IGF2BP2: variants seen among roughly 807,000 people sequenced by gnomAD.
IGF2BP2 encodes the protein insulin like growth factor 2 mRNA binding protein 2.
In IGF2BP2, 17 loss-of-function variants were observed where a neutral mutation model predicts 75.8. That is an observed-to-expected ratio of 0.22 (90% CI 0.15 to 0.34). IGF2BP2 has a LOEUF of 0.34. Ranked by LOEUF, IGF2BP2 falls within the 10% of genes least tolerant of loss-of-function variation. The probability of loss-of-function intolerance (pLI) is 1.00; values close to 1 mark genes in which losing one functional copy is unlikely to be tolerated. For missense variants in IGF2BP2, 516 were observed against 772.4 expected, an observed-to-expected ratio of 0.67 and a Z score of 3.93; for synonymous variants, 288 against 295.6, an observed-to-expected ratio of 0.97 and a Z score of 0.26.
intron 2 of IGF2BP2, among the ~76,000 whole-genome samples, chr3:185,749,162 T>TAAAAGAA (rs1730641172): frequency 6.6e-6 from 1 of 152,058 alleles, no homozygotes; most frequent in South Asian, 2.1e-4. Flanking sequence ...AGACTCCGTC[T>TAAAAGAA]AAAAGAAAAA....
chr3:185,823,274 G>T (rs528436356), intron 1 of IGF2BP2, 61 bp from the exon 2 acceptor site: 59 of 1,338,526 alleles, frequency 4.4e-5, no homozygotes, highest in Non-Finnish European at 5.6e-5. Flanking sequence ...GGGGGTCTAG[G>T]GGGGGCACGC....
At chr3:185,812,929 C>T (rs976623430) in intron 2 of IGF2BP2, among the ~76,000 whole-genome samples, 4 of 152,226 alleles carry the variant, frequency 2.6e-5, no homozygotes, top group Non-Finnish European at 5.9e-5. Context: ...ACAATCGATA[C>T]TTGTGAACTA....
chr3:185,653,356 C>T (rs889837480), intron 12 of IGF2BP2, among the ~76,000 whole-genome samples: 1 of 152,128 alleles, frequency 6.6e-6, no homozygotes. Flanking sequence ...TGCAGTGGCT[C>T]ACACCTGTAA....
chr3:185,786,144 A>G (rs1206986171), intron 2 of IGF2BP2, among the ~76,000 whole-genome samples: 1 of 152,038 alleles, frequency 6.6e-6, no homozygotes, highest in Non-Finnish European at 1.5e-5. Context: ...TTTTAATACC[A>G]AAGATAAACT....
At chr3:185,780,939 C>T (rs1735131583) in intron 2 of IGF2BP2, among the ~76,000 whole-genome samples, 1 of 152,108 alleles carries the variant, frequency 6.6e-6, no homozygotes, top group African/African-American at 2.4e-5. Flanking sequence ...TCAATTACAC[C>T]ACATTTGCCA....
chr3:185,705,125 C>G (rs182421320), intron 2 of IGF2BP2, among the ~76,000 whole-genome samples: 41 of 152,378 alleles, frequency 2.7e-4, no homozygotes, highest in African/African-American at 8.9e-4. Context: ...AAGACGCAGT[C>G]TTGCTCTGTT....
At chr3:185,757,496 G>C (rs1489426391) in intron 2 of IGF2BP2, among the ~76,000 whole-genome samples, 3 of 89,212 alleles carry the variant, frequency 3.4e-5, no homozygotes, top group Admixed American at 1.7e-4. Flanking sequence ...ACAGAGTTTT[G>C]CTCTGTCACC....
intron 2 of IGF2BP2, among the ~76,000 whole-genome samples, chr3:185,793,208 G>T (rs1188108223): frequency 6.6e-6 from 1 of 152,192 alleles, no homozygotes; most frequent in Non-Finnish European, 1.5e-5. Context: ...TGGTGTGGCA[G>T]AAAGAACACA....
chr3:185,785,925 A>G (rs1271667899), intron 2 of IGF2BP2, among the ~76,000 whole-genome samples: 1 of 152,218 alleles, frequency 6.6e-6, no homozygotes, highest in East Asian at 1.9e-4. Flanking sequence ...CTACAAGATA[A>G]CAAATTAAAT....
chr3:185,813,833 C>T (rs970288839), intron 2 of IGF2BP2, among the ~76,000 whole-genome samples: 29 of 152,204 alleles, frequency 1.9e-4, no homozygotes, highest in Admixed American at 6.5e-4. Flanking sequence ...GCAGGCAGGC[C>T]TACACACCAG....
At chr3:185,721,174 CTCT>C (rs781573900) in intron 2 of IGF2BP2, among the ~76,000 whole-genome samples, 115 of 152,088 alleles carry the variant, frequency 7.6e-4, no homozygotes, top group Non-Finnish European at 1.0e-3. Context: ...GAGGCTCATA[CTCT>C]TCTTCTTCTT....
intron 12 of IGF2BP2, among the ~76,000 whole-genome samples, chr3:185,654,091 G>A (rs558916653): frequency 2.0e-5 from 3 of 152,318 alleles, no homozygotes; most frequent in Admixed American, 6.5e-5. Context: ...CTCAGACCCT[G>A]TCCCGCTCTG....
At chr3:185,652,703 A>C (rs942687901) in intron 12 of IGF2BP2, among the ~76,000 whole-genome samples, 2 of 152,228 alleles carry the variant, frequency 1.3e-5, no homozygotes, top group Admixed American at 6.5e-5. Context: ...CAAGTGGGTC[A>C]TAAGTAAAAC....
intron 2 of IGF2BP2, chr3:185,716,675 G>A (rs769609318): frequency 1.9e-6 from 1 of 520,150 alleles, no homozygotes; most frequent in Non-Finnish European, 3.8e-6. Context: ...ATCTGGTTAA[G>A]GAGAGTGTAT....
intron 2 of IGF2BP2, among the ~76,000 whole-genome samples, chr3:185,738,011 C>G (rs1002113556): frequency 1.8e-4 from 28 of 151,520 alleles, no homozygotes; most frequent in African/African-American, 6.8e-4. Flanking sequence ...CAATTTCTAC[C>G]CTCACTGCCA....
At chr3:185,713,493 G>A (rs1165171906) in intron 2 of IGF2BP2, 7 of 519,952 alleles carry the variant, frequency 1.3e-5, no homozygotes, top group South Asian at 8.4e-5. Context: ...TAACAGGTAA[G>A]TAAGATAGAC....
intron 2 of IGF2BP2, among the ~76,000 whole-genome samples, chr3:185,711,378 G>A (rs1440664184): frequency 6.6e-6 from 1 of 152,192 alleles, no homozygotes; most frequent in Non-Finnish European, 1.5e-5. Flanking sequence ...TGAACCTGAT[G>A]AATGAATGAA....
At position 185,645,475 on chromosome 3, in the gene IGF2BP2, G is replaced by C. The variant is rs1179631496; in HGVS notation, c.*56C>G. The C allele has an allele frequency of 2.9e-5, 36 of 1,223,740 alleles. No individual in the cohort carries two copies. The highest frequency in any genetic ancestry group is 1.0e-4 in the Admixed American group (6 of 59,080). 75.8% of individuals were successfully genotyped at this position (1,223,740 alleles called of 1,614,324 possible). On this transcript the variant is annotated 3_prime_UTR_variant, in exon 16 of 16. Coordinates refer to ENST00000382199, the MANE Select transcript of IGF2BP2 (RefSeq NM_006548.6). This position sits in a 1 kb window ranked among gnomAD's most constrained non-coding sequence, Gnocchi z 4.9. ...GGCTGGCTGCGTTTGGTCTCATTCT[G>C]TCAGGTGTTGGAAGGGCTACATTCA...
intron 3 of IGF2BP2, among the ~76,000 whole-genome samples, chr3:185,697,846 T>C (rs940399911): frequency 3.3e-5 from 5 of 152,030 alleles, no homozygotes; most frequent in Admixed American, 2.0e-4. Flanking sequence ...TAGCCGGGCA[T>C]GGTGGCATGC....
Sources: allele counts gnomAD v4.1 joint callset (sites outside exome capture counted in the v4.1 genomes callset), GRCh38; gene constraint gnomAD v4.1.1; non-coding constraint Gnocchi (gnomAD v3.1); transcripts MANE v1.5; gene names NCBI Gene and HGNC (gene_info 2026-07-23, HGNC 2026-07-21).